The following NRXN1 variants were observed in gnomAD, a reference collection of about 807,000 sequenced individuals.
NRXN1 encodes neurexin-1.
NRXN1 carries 39 observed loss-of-function variants against 150.9 expected under a neutral mutation model. That is an observed-to-expected ratio of 0.26 (90% confidence interval 0.20 to 0.34). The LOEUF is 0.34. Ranked by LOEUF, NRXN1 falls within the 10% of genes least tolerant of loss-of-function variation. The pLI, the probability that NRXN1 is intolerant of heterozygous loss-of-function variation, is 1.00. For synonymous variants in NRXN1, 924 were observed against 757.0 expected, an observed-to-expected ratio of 1.22 and a Z score of -3.62; for missense variants, 1,815 against 1,949.9, an observed-to-expected ratio of 0.93 and a Z score of 1.30.
At chr2:50,354,481 T>C (rs948935175) in intron 17 of NRXN1, among the ~76,000 whole-genome samples, 1 of 147,358 alleles carries the variant, frequency 6.8e-6, no homozygotes, top group African/African-American at 2.5e-5. Flanking sequence ...TTTAAAGCAT[T>C]TAAAATACAA....
intron 2 of NRXN1, among the ~76,000 whole-genome samples, chr2:50,994,021 T>A (rs921012469): frequency 1.3e-5 from 2 of 152,052 alleles, no homozygotes; most frequent in Non-Finnish European, 2.9e-5. Flanking sequence ...ACCTAAGATT[T>A]TAGATTTTGT....
Position 50,516,781 on chromosome 2 carries a change from T to TA in NRXN1, c.2375-10165dup, listed in dbSNP as rs1233176180. On this transcript the variant is annotated intron_variant, in intron 12 of 22. Coordinates refer to ENST00000401669, the MANE Select transcript of NRXN1 (RefSeq NM_001330078.2). Reference sequence around the variant, plus strand: ...TCCTTTTTTTTAATAAGCAAAGAGATAGAGTCCTAAGGACAGACACATTTC... The same window carrying TA: ...TCCTTTTTTTTAATAAGCAAAGAGATAAGAGTCCTAAGGACAGACACATTTC... Among the ~76,000 whole-genome samples, 5 of 152,048 alleles carry TA rather than the reference T, an allele frequency of 3.3e-5. No homozygotes were observed. The South Asian group carries it at 1.0e-3, about 32-fold the overall frequency.
chr2:50,945,899 T>TACACAC (rs1553403042), intron 2 of NRXN1, among the ~76,000 whole-genome samples: 5 of 103,030 alleles, frequency 4.9e-5, no homozygotes, highest in African/African-American at 1.5e-4. Flanking sequence ...TATATATATA[T>TACACAC]ACACACACAC....
At chr2:50,619,624 G>T (rs1012264683) in intron 8 of NRXN1, 8 of 320,114 alleles carry the variant, frequency 2.5e-5, no homozygotes, top group Admixed American at 4.9e-5. Context: ...TAGGCTAATT[G>T]CTTTTTCTTC....
At chr2:50,305,420 C>T (rs1242697710) in intron 17 of NRXN1, among the ~76,000 whole-genome samples, 1 of 152,072 alleles carries the variant, frequency 6.6e-6, no homozygotes, top group East Asian at 1.9e-4. Flanking sequence ...TTAATATAGT[C>T]TTGTAATTCC....
intron 17 of NRXN1, among the ~76,000 whole-genome samples, chr2:50,319,176 G>C (rs2075835029): frequency 6.6e-6 from 1 of 152,180 alleles, no homozygotes; most frequent in Non-Finnish European, 1.5e-5. Context: ...AATGACTCTA[G>C]TTATTCTGAC....
intron 17 of NRXN1, among the ~76,000 whole-genome samples, chr2:50,322,228 G>C (rs898200186): frequency 6.6e-6 from 1 of 152,050 alleles, no homozygotes; most frequent in Non-Finnish European, 1.5e-5. Flanking sequence ...GTAACCGTAG[G>C]AGTTGCCTCA....
At chr2:50,938,733 A>G (rs971585790) in intron 2 of NRXN1, among the ~76,000 whole-genome samples, 2 of 152,156 alleles carry the variant, frequency 1.3e-5, no homozygotes, top group African/African-American at 4.8e-5. Flanking sequence ...CACATAGCAA[A>G]AAGTCAATAA....
At chr2:50,228,095 G>C (rs1315428493) in intron 18 of NRXN1, among the ~76,000 whole-genome samples, 1 of 151,802 alleles carries the variant, frequency 6.6e-6, no homozygotes, top group Non-Finnish European at 1.5e-5. Context: ...TAAGAAACAG[G>C]GTTTGCTAAA....
rs145360108 is a variant in NRXN1, at chr2:50,180,284, C to T, written c.3546+56505G>A. On this transcript the variant is annotated intron_variant, in intron 18 of 22. Coordinates refer to ENST00000401669, the MANE Select transcript of NRXN1 (RefSeq NM_001330078.2). ...AAGGAATTCTCCTGCCTCAGCCTCC[C>T]AAAGTTCTGGGATTACAGGGGTGAG... Among the ~76,000 whole-genome samples the T allele has an allele frequency of 8.3e-3, 1,268 of 152,224 alleles. 25 individuals are homozygous for T. Among genetic ancestry groups the T allele is most frequent in the African/African-American group, 0.029 (1,202 of 41,550 alleles).
chr2:50,401,125 A>T (rs1291987373), intron 17 of NRXN1, among the ~76,000 whole-genome samples: 3 of 152,290 alleles, frequency 2.0e-5, no homozygotes, highest in South Asian at 2.1e-4. Flanking sequence ...TGGCCCTGTT[A>T]TCAAAATATG....
chr2:50,799,195 A>T (rs965123777), intron 5 of NRXN1, among the ~76,000 whole-genome samples: 1 of 152,232 alleles, frequency 6.6e-6, no homozygotes, highest in Admixed American at 6.5e-5. Flanking sequence ...TTGGTAAATG[A>T]ATTCATCGGT....
At chr2:50,391,583 G>A (rs1334860951) in intron 17 of NRXN1, among the ~76,000 whole-genome samples, 6 of 151,972 alleles carry the variant, frequency 3.9e-5, no homozygotes, top group African/African-American at 1.5e-4. Context: ...GGGAACACTG[G>A]GACAATGTTG....
At chr2:50,551,050 GGAAGAA>G (rs1204760729) in intron 9 of NRXN1, among the ~76,000 whole-genome samples, 36 of 79,016 alleles carry the variant, frequency 4.6e-4, no homozygotes, top group African/African-American at 1.5e-3. Flanking sequence ...AAGAGGAAGA[GGAAGAA>G]GAAGAAGAAG....
intron 2 of NRXN1, among the ~76,000 whole-genome samples, chr2:50,947,433 A>G (rs1313673475): frequency 1.4e-5 from 2 of 143,398 alleles, no homozygotes; most frequent in Non-Finnish European, 3.0e-5. Flanking sequence ...ATAATTCAAA[A>G]GATCTGAAAC....
At position 50,463,922 on chromosome 2, in the gene NRXN1, T is replaced by C. The variant is rs142567429; in HGVS notation, c.3364+1520A>G. The C allele has an allele frequency of 7.9e-5, 12 of 151,710 alleles. No individual in the cohort carries two copies. The East Asian group carries it at 1.6e-3, about 20-fold the overall frequency. 9.4% of individuals were successfully genotyped at this position (151,710 alleles called of 1,614,324 possible). A position where few individuals can be genotyped will look rare whatever the true frequency, so the allele number is the denominator to read the frequency against. Reference sequence around the variant, plus strand: ...ATTCAGGATGAAAAATTTGCGATAATAAAATCTTAACAAGTATTCAGTCTT... The same window carrying C: ...ATTCAGGATGAAAAATTTGCGATAACAAAATCTTAACAAGTATTCAGTCTT... On this transcript the variant is annotated intron_variant, in intron 17 of 22. Coordinates refer to ENST00000401669, the MANE Select transcript of NRXN1 (RefSeq NM_001330078.2).
chr2:50,053,199 C>T (rs1234008601), intron 21 of NRXN1, 72 bp downstream of exon 21: 18 of 1,479,068 alleles, frequency 1.2e-5, no homozygotes, highest in South Asian at 3.4e-5. Context: ...TTAGAAAAGA[C>T]GCATATGCAG....
At chr2:50,933,633 C>T (rs1688101388) in intron 2 of NRXN1, among the ~76,000 whole-genome samples, 1 of 152,046 alleles carries the variant, frequency 6.6e-6, no homozygotes. Context: ...CTAAACTAAA[C>T]CCATATGAAT....
chr2:50,966,397 T>C (rs1322956943), intron 2 of NRXN1, among the ~76,000 whole-genome samples: 1 of 151,532 alleles, frequency 6.6e-6, no homozygotes, highest in Non-Finnish European at 1.5e-5. Flanking sequence ...CTGTAGCCTG[T>C]AGGTCTGGCC....
Sources: allele counts gnomAD v4.1 joint callset (sites outside exome capture counted in the v4.1 genomes callset), GRCh38; gene constraint gnomAD v4.1.1; transcripts MANE v1.5; gene names NCBI Gene and HGNC (gene_info 2026-07-23, HGNC 2026-07-21).